The following VOPP1 variants were observed in gnomAD, a reference collection of about 807,000 sequenced individuals.
VOPP1 encodes the protein VOPP1 WW domain binding protein.
VOPP1 carries 8 observed loss-of-function variants against 23.5 expected under a neutral mutation model. That is an observed-to-expected ratio of 0.34 (90% CI 0.20 to 0.61). The LOEUF is 0.61. Among genes scored for constraint, VOPP1 ranks in the 20% least tolerant of loss-of-function variants. VOPP1 has a pLI of 0.78. For synonymous variants in VOPP1, 83 were observed against 97.3 expected (o/e 0.85, Z 0.86); for missense variants, 174 against 238.1 (o/e 0.73, Z 1.77).
chr7:55,518,182 G>A (rs1795594809), intron 2 of VOPP1, among the ~76,000 whole-genome samples: 1 of 152,196 alleles, frequency 6.6e-6, no homozygotes, highest in Admixed American at 6.5e-5. Flanking sequence ...ACGTCTTACA[G>A]AGGAAGCAGC....
downstream of VOPP1, among the ~76,000 whole-genome samples, chr7:55,467,831 T>C (rs1259671504): frequency 6.6e-6 from 1 of 152,234 alleles, no homozygotes; most frequent in African/African-American, 2.4e-5. Flanking sequence ...ATGAGATTAG[T>C]ATCCATCAAA....
At chr7:55,464,366 T>A (rs1583819120) in intron 4 of VOPP1, among the ~76,000 whole-genome samples, 1 of 151,984 alleles carries the variant, frequency 6.6e-6, no homozygotes, top group African/African-American at 2.4e-5. Flanking sequence ...GTGCCGGTGG[T>A]GGTGATAGGT....
intron 2 of VOPP1, among the ~76,000 whole-genome samples, chr7:55,503,692 G>A (rs187785251): frequency 6.6e-6 from 1 of 152,138 alleles, no homozygotes. Context: ...CAGGGTTGGG[G>A]GTCTCTGTAA....
At position 55,528,587 on chromosome 7, in the gene VOPP1, A is replaced by G. The variant is rs562244825; in HGVS notation, c.55-7457T>C. ...GTAATCCCAGCTACTCGGGAGGCTG[A>G]GGCAGGAAAAATCACTTGAACCCGG... On this transcript the variant is annotated intron_variant, in intron 1 of 4. Coordinates refer to ENST00000285279, the MANE Select transcript of VOPP1 (RefSeq NM_030796.5). 4.6e-5 allele frequency among the ~76,000 whole-genome samples: 7 copies of G among 152,292 alleles called. No homozygotes were observed. In the South Asian group the frequency reaches 1.4e-3, roughly 32 times the overall value.
At chr7:55,570,783 A>G (rs1313963804) in intron 1 of VOPP1, among the ~76,000 whole-genome samples, 1 of 152,000 alleles carries the variant, frequency 6.6e-6, no homozygotes, top group Non-Finnish European at 1.5e-5. Flanking sequence ...CTCTACTAAA[A>G]ATGCAAAAAT....
intron 4 of VOPP1, among the ~76,000 whole-genome samples, chr7:55,457,080 C>T (rs1001181122): frequency 6.6e-6 from 1 of 152,122 alleles, no homozygotes; most frequent in African/African-American, 2.4e-5. Context: ...TTCGTGACAC[C>T]GTGTCGCCCC....
intron 4 of VOPP1, among the ~76,000 whole-genome samples, chr7:55,475,736 G>T (rs1232360985): frequency 6.6e-6 from 1 of 152,232 alleles, no homozygotes; most frequent in Admixed American, 6.5e-5. Context: ...GAAGAGGCTG[G>T]GGTTGCAGAA....
intron 1 of VOPP1, among the ~76,000 whole-genome samples, chr7:55,549,281 C>T (rs1184191948): frequency 6.6e-6 from 1 of 152,190 alleles, no homozygotes; most frequent in Non-Finnish European, 1.5e-5. Flanking sequence ...AACAAGGGGT[C>T]TAAGCTTCCC....
chr7:55,541,764 G>A (rs79835495), intron 1 of VOPP1, among the ~76,000 whole-genome samples: 2,844 of 152,308 alleles, frequency 0.019, 93 homozygotes, highest in African/African-American at 0.065. Flanking sequence ...ATTTAGCAAT[G>A]AAAATGAAGT....
intron 2 of VOPP1, among the ~76,000 whole-genome samples, chr7:55,500,613 G>A (rs559054879): frequency 1.6e-3 from 244 of 152,242 alleles, no homozygotes; most frequent in African/African-American, 5.4e-3. Flanking sequence ...AGTCTGCTAC[G>A]TTTATAGTGA....
chr7:55,474,289 T>C (rs904699089), intron 4 of VOPP1, among the ~76,000 whole-genome samples: 1 of 152,258 alleles, frequency 6.6e-6, no homozygotes, highest in Non-Finnish European at 1.5e-5. Context: ...GTCGACTTAC[T>C]GCCATTACCA....
chr7:55,561,815 T>G (rs997360122), intron 1 of VOPP1: 1 of 584,508 alleles, frequency 1.7e-6, no homozygotes, highest in African/African-American at 1.9e-5. Flanking sequence ...GTAGCTTGCC[T>G]AGGGAGTAGC....
intron 2 of VOPP1, among the ~76,000 whole-genome samples, chr7:55,517,838 G>C (rs1266285816): frequency 6.6e-6 from 1 of 152,142 alleles, no homozygotes; most frequent in Non-Finnish European, 1.5e-5. Context: ...ACCCCAACTT[G>C]ATGGACAGTG....
At chr7:55,495,816 T>A (rs117482629) in intron 3 of VOPP1, among the ~76,000 whole-genome samples, 1 of 152,350 alleles carries the variant, frequency 6.6e-6, no homozygotes, top group East Asian at 1.9e-4. Context: ...AGGTGCTCCC[T>A]GGCTACAACG....
intron 1 of VOPP1, among the ~76,000 whole-genome samples, chr7:55,562,935 G>A (rs1244237102): frequency 1.3e-5 from 2 of 152,030 alleles, no homozygotes; most frequent in Non-Finnish European, 2.9e-5. Flanking sequence ...ATGCGGTCTG[G>A]GCACATCACT....
intron 4 of VOPP1, among the ~76,000 whole-genome samples, chr7:55,486,266 T>C (rs562560922): frequency 1.3e-5 from 2 of 152,338 alleles, no homozygotes; most frequent in African/African-American, 4.8e-5. Flanking sequence ...AAAATTCTTC[T>C]TGAAATACAG....
chr7:55,493,620 T>C (rs1793736063), intron 3 of VOPP1, among the ~76,000 whole-genome samples: 1 of 152,190 alleles, frequency 6.6e-6, no homozygotes, highest in African/African-American at 2.4e-5. Flanking sequence ...TCATTATTCA[T>C]TCAGCAAGTC....
chr7:55,467,275 T>C (rs1791656500), downstream of VOPP1, among the ~76,000 whole-genome samples: 1 of 152,216 alleles, frequency 6.6e-6, no homozygotes, highest in Non-Finnish European at 1.5e-5. Flanking sequence ...GCTCTGGGCC[T>C]TTAATTCCTG....
intron 1 of VOPP1, chr7:55,552,545 AT>A: frequency 6.6e-7 from 1 of 1,518,820 alleles, no homozygotes. Flanking sequence ...CACAAGCATG[AT>A]TTTCCCAGGG....
Sources: gnomAD v4.1 joint callset for allele counts (sites outside exome capture counted in the v4.1 genomes callset) on GRCh38, gnomAD v4.1.1 for gene constraint, MANE v1.5 for transcripts, NCBI Gene and HGNC (gene_info 2026-07-23, HGNC 2026-07-21) for gene names.